Variants in RASAL1 observed in about 807,000 individuals in gnomAD.
The protein encoded by RASAL1 is RAS protein activator like 1, also known as rasGAP-activating-like protein 1.
Under a neutral mutation model 96.6 loss-of-function variants are expected in RASAL1, and 72 were observed. That is an observed-to-expected ratio of 0.75 (90% confidence interval 0.62 to 0.91). The LOEUF is 0.91. Among genes scored for constraint, RASAL1 ranks in the 40% least tolerant of loss-of-function variants. The pLI is 0.00. For synonymous variants in RASAL1, 405 were observed against 430.4 expected, an observed-to-expected ratio of 0.94 and a Z score of 0.73; for missense variants, 1,016 against 1,072.5, an observed-to-expected ratio of 0.95 and a Z score of 0.74.
Position 113,135,306 on chromosome 12 carries a change from T to G in RASAL1, c.65+92A>C. The G allele has an allele frequency of 1.6e-6, 2 of 1,280,324 alleles. No individual in the cohort carries two copies. Among genetic ancestry groups the G allele is most frequent in the South Asian group, 2.6e-5 (2 of 75,556 alleles). The allele number at this position is 1,280,324 out of a possible 1,614,324, so 79.3% of individuals were successfully genotyped here. ...CTTGGACAAGAACCCCTCGCCCTCC[T>G]GCCAACCCGCCCTGGCACGCGGAAA... On this transcript the variant is annotated intron_variant, in intron 1 of 20. Coordinates refer to ENST00000548055, the MANE Select transcript of RASAL1 (RefSeq NM_001301202.2). The surrounding 1 kb of genome is among the most constrained non-coding windows in gnomAD (Gnocchi z 5.7).
chr12:113,122,020 G>T (rs1468870793), intron 4 of RASAL1, among the ~76,000 whole-genome samples: 1 of 152,130 alleles, frequency 6.6e-6, no homozygotes, highest in Non-Finnish European at 1.5e-5. Context: ...ACTATGTCCT[G>T]CCTCAATTAA....
intron 4 of RASAL1, 65 bp downstream of exon 4, chr12:113,127,747 A>G (rs968030756): frequency 1.7e-5 from 23 of 1,393,060 alleles, no homozygotes; most frequent in Non-Finnish European, 2.1e-5. Context: ...GCCATGTGCT[A>G]TGCCCCTGCA....
chr12:113,099,629 G>C lies in RASAL1; in HGVS notation c.*300C>G, dbSNP rs1352846423. On this transcript the variant is annotated 3_prime_UTR_variant, in exon 21 of 21. Coordinates refer to ENST00000548055, the MANE Select transcript of RASAL1 (RefSeq NM_001301202.2). ...GGCTGGCCTCCTTGGTATGGATAGA[G>C]GCCAGTTTGGTGAAGTAGAGACCCC... 1 of 276,950 alleles carries C rather than the reference G, an allele frequency of 3.6e-6. No homozygotes were observed. Among genetic ancestry groups the C allele is most frequent in the African/African-American group, 2.2e-5 (1 of 45,924 alleles). 17.2% of individuals were successfully genotyped at this position (276,950 alleles called of 1,614,324 possible). A position where few individuals can be genotyped will look rare whatever the true frequency, so the allele number is the denominator to read the frequency against.
rs1201548208 is a variant in RASAL1 at position 113,128,182 on chromosome 12, C to A, written c.123-4G>T. ...GCTCCTCCAGACAGTAGCTGTCCTG[C>A]AAAAGGAGGTGCAGGGGGCTGGGGT... is the stretch of plus-strand genomic sequence containing the variant. On this transcript the variant is annotated splice_region_variant and splice_polypyrimidine_tract_variant and intron_variant, in intron 2 of 20. Transcript: ENST00000548055. 2 of 1,609,202 alleles carry A rather than the reference C, an allele frequency of 1.2e-6. No individual in the cohort carries two copies. The highest frequency in any genetic ancestry group is 2.2e-5 in the East Asian group (1 of 44,816).
intron 12 of RASAL1, 31 bp downstream of exon 12, chr12:113,114,769 C>G: frequency 6.3e-7 from 1 of 1,584,754 alleles, no homozygotes; most frequent in Non-Finnish European, 8.7e-7. Context: ...AGGGGCCCGT[C>G]GGAAGGTCAG....
intron 16 of RASAL1, among the ~76,000 whole-genome samples, chr12:113,105,328 T>A (rs184089526): frequency 5.9e-5 from 9 of 152,394 alleles, no homozygotes; most frequent in African/African-American, 2.2e-4. Context: ...AATGCTTGGA[T>A]GGATGTGCCT....
intron 5 of RASAL1, among the ~76,000 whole-genome samples, chr12:113,120,167 G>C (rs1354672966): frequency 1.3e-5 from 2 of 152,076 alleles, no homozygotes; most frequent in Non-Finnish European, 1.5e-5. Context: ...CCCACACCAG[G>C]GGCTGCTTCC....
At chr12:113,127,959 G>T (rs1951554123) in intron 3 of RASAL1, 86 bp from the exon 4 acceptor site, 4 of 1,567,204 alleles carry the variant, frequency 2.6e-6, no homozygotes, top group African/African-American at 1.3e-5. Flanking sequence ...TCAAGGTCTG[G>T]GTGGGAGGGC....
In RASAL1 at chr12:113,100,618, G is replaced by T; in HGVS notation, c.2278+10C>A. ...CCAGCCTTTACCTTCTGAGGTACAG[G>T]AGCCCTTACCTGTGTCTGCCTCCAG... On this transcript the variant is annotated intron_variant, in intron 20 of 20. Coordinates refer to ENST00000548055, the MANE Select transcript of RASAL1 (RefSeq NM_001301202.2). The T allele has an allele frequency of 6.2e-7, 1 of 1,605,764 alleles. No homozygotes were observed. The highest frequency in any genetic ancestry group is 8.5e-7 in the Non-Finnish European group (1 of 1,173,148).
At position 113,115,822 on chromosome 12, in the gene RASAL1, C is replaced by G; in HGVS notation, c.850-34G>C. On this transcript the variant is annotated intron_variant, in intron 9 of 20. Transcript: ENST00000548055. The surrounding 1 kb of genome is among the most constrained non-coding windows in gnomAD (Gnocchi z 4.1). ...GGGCGGGAGACAAAGATGACCTCGG[C>G]CCCTGGGACCCCAAAGCAGATGGGC... is the stretch of plus-strand genomic sequence containing the variant. 6.2e-7 allele frequency: 1 copy of G among 1,611,830 alleles called. No homozygotes were observed. Among genetic ancestry groups the G allele is most frequent in the South Asian group, 1.1e-5 (1 of 90,830 alleles).
At chr12:113,126,688 TCACACACACA>T (rs71455143) in intron 4 of RASAL1, among the ~76,000 whole-genome samples, 10 of 139,012 alleles carry the variant, frequency 7.2e-5, no homozygotes, top group East Asian at 2.1e-4. Context: ...TCTCTCTCTC[TCACACACACA>T]CACACACACA....
At position 113,100,004 on chromosome 12, in the gene RASAL1, T is replaced by A; in HGVS notation, c.2343A>T (p.Ala781=). ...AATARLLEVL[A]DLDRAHEEFQ... ...ACTCCTCGTGGGCACGATCCAGGTC[T>A]GCGAGCACCTCCAGCAGGCGGGCAG... is the stretch of plus-strand genomic sequence containing the variant. Residue 781 remains alanine, a synonymous_variant, in exon 21 of 21, where the codon GCA becomes GCT. Coordinates refer to ENST00000548055, the MANE Select transcript of RASAL1 (RefSeq NM_001301202.2). The A allele has an allele frequency of 1.2e-6, 2 of 1,613,822 alleles. No homozygotes were observed. Among genetic ancestry groups the A allele is most frequent in the Non-Finnish European group, 1.7e-6 (2 of 1,179,778 alleles).
In RASAL1 at chr12:113,112,100, G is replaced by C; in HGVS notation, c.1360C>G (p.Gln454Glu). ...TCCTGGCGCACCTGGTGCTCGGCCT[G>C]GGGGAAGCGCTCCTCCACTCGCCGG... ...LHRRVEERFP[Q>E]AEHQDVKYLA... The change falls in exon 13 of 21, where the codon CAG becomes GAG. Residue 454 changes from glutamine to glutamate, a missense_variant. By Grantham distance (29) the Gln-to-Glu change is conservative. Coordinates refer to ENST00000548055, the MANE Select transcript of RASAL1 (RefSeq NM_001301202.2). 1 of 1,243,252 alleles carries C rather than the reference G, an allele frequency of 8.0e-7. No homozygotes were observed. Among genetic ancestry groups the C allele is most frequent in the South Asian group, 3.9e-5 (1 of 25,666 alleles). The allele number at this position is 1,243,252 out of a possible 1,614,324, so 77.0% of individuals were successfully genotyped here. A position where few individuals can be genotyped will look rare whatever the true frequency, so the allele number is the denominator to read the frequency against.
At position 113,128,191 on chromosome 12, in the gene RASAL1, G is replaced by T; in HGVS notation, c.123-13C>A. On this transcript the variant is annotated splice_polypyrimidine_tract_variant and intron_variant, in intron 2 of 20. Transcript: ENST00000548055. ...GACAGTAGCTGTCCTGCAAAAGGAGGTGCAGGGGGCTGGGGTCCTCGGGCC... is the reference window on the plus strand; with the variant it reads ...GACAGTAGCTGTCCTGCAAAAGGAGTTGCAGGGGGCTGGGGTCCTCGGGCC... 4 of 1,598,290 alleles carry T rather than the reference G, an allele frequency of 2.5e-6. No individual in the cohort carries two copies. The highest frequency in any genetic ancestry group is 2.6e-6 in the Non-Finnish European group (3 of 1,167,204).
Position 113,135,284 on chromosome 12 carries a change from G to T in RASAL1, c.65+114C>A. The T allele has an allele frequency of 1.0e-6, 1 of 987,104 alleles. No individual in the cohort carries two copies. The highest frequency in any genetic ancestry group is 1.5e-6 in the Non-Finnish European group (1 of 658,912). The allele number at this position is 987,104 out of a possible 1,614,324, so 61.1% of individuals were successfully genotyped here. ...GCGGAACTGCCCCAAGACCAGTCTT[G>T]GACAAGAACCCCTCGCCCTCCTGCC... is the stretch of plus-strand genomic sequence containing the variant. On this transcript the variant is annotated intron_variant, in intron 1 of 20. Coordinates refer to ENST00000548055, the MANE Select transcript of RASAL1 (RefSeq NM_001301202.2). The surrounding 1 kb of genome is among the most constrained non-coding windows in gnomAD (Gnocchi z 5.7).
At chr12:113,127,472 T>C (rs1212702980) in intron 4 of RASAL1, among the ~76,000 whole-genome samples, 1 of 151,850 alleles carries the variant, frequency 6.6e-6, no homozygotes, top group Non-Finnish European at 1.5e-5. Context: ...ATAGCAAGAC[T>C]CCGTATCTAT....
chr12:113,106,589 C>T (rs1171403580), intron 15 of RASAL1, among the ~76,000 whole-genome samples: 1 of 152,226 alleles, frequency 6.6e-6, no homozygotes, highest in African/African-American at 2.4e-5. Context: ...GCCTGGCACA[C>T]TCTTCCCCAG....
chr12:113,127,756 C>T (rs376574248), intron 4 of RASAL1, 56 bp downstream of exon 4: 1 of 1,516,258 alleles, frequency 6.6e-7, no homozygotes, highest in Admixed American at 1.8e-5. Flanking sequence ...TATGCCCCTG[C>T]AAATGCCCAC....
rs1951620238 is a variant in RASAL1, at chr12:113,129,449, C to T, written c.123-1271G>A. Reference sequence around the variant, plus strand: ...GGAGGTGAGCAGGGGACAGAGCACTCGGGGCTTTGAAGCACACAGTGAGCA... The same window carrying T: ...GGAGGTGAGCAGGGGACAGAGCACTTGGGGCTTTGAAGCACACAGTGAGCA... On this transcript the variant is annotated intron_variant, in intron 2 of 20. Coordinates refer to ENST00000548055, the MANE Select transcript of RASAL1 (RefSeq NM_001301202.2). The surrounding 1 kb of genome is among the most constrained non-coding windows in gnomAD (Gnocchi z 5.0). 6.6e-6 allele frequency among the ~76,000 whole-genome samples: 1 copy of T among 152,008 alleles called. No individual in the cohort carries two copies. Among genetic ancestry groups the T allele is most frequent in the South Asian group, 2.1e-4 (1 of 4,824 alleles).
Sources: gnomAD v4.1 joint callset for allele counts (sites outside exome capture counted in the v4.1 genomes callset) on GRCh38, gnomAD v4.1.1 for gene constraint, Gnocchi (gnomAD v3.1) non-coding constraint, MANE v1.5 for transcripts, NCBI Gene and HGNC (gene_info 2026-07-23, HGNC 2026-07-21) for gene names.